Variants in EPHA3 observed in about 807,000 individuals in gnomAD.
EPHA3 encodes EPH receptor A3.
A neutral mutation model predicts 107.1 loss-of-function variants in EPHA3; 42 were observed. That is an observed-to-expected ratio of 0.39 (90% CI 0.31 to 0.51). The LOEUF (loss-of-function observed/expected upper bound fraction) is 0.51, where lower values mean the gene tolerates loss of function less well. Among genes scored for constraint, EPHA3 ranks in the 20% least tolerant of loss-of-function variants. EPHA3 has a pLI of 0.78. For synonymous variants in EPHA3, 461 were observed against 424.8 expected (o/e 1.09, Z -1.05); for missense variants, 1,183 against 1,211.2 (o/e 0.98, Z 0.35).
At chr3:89,119,902 A>G (rs900939880) in intron 1 of EPHA3, among the ~76,000 whole-genome samples, 21 of 152,250 alleles carry the variant, frequency 1.4e-4, no homozygotes, top group African/African-American at 3.4e-4. Context: ...TCTAGGAACT[A>G]TGTTTATTTC....
intron 3 of EPHA3, among the ~76,000 whole-genome samples, chr3:89,289,955 A>T (rs1179050151): frequency 6.6e-6 from 1 of 152,142 alleles, no homozygotes; most frequent in Non-Finnish European, 1.5e-5. Context: ...ACATCAAAGA[A>T]AGCACAGCCT....
At chr3:89,203,378 A>G (rs577945101) in intron 2 of EPHA3, among the ~76,000 whole-genome samples, 1 of 151,976 alleles carries the variant, frequency 6.6e-6, no homozygotes, top group South Asian at 2.1e-4. Flanking sequence ...AAGGAATTAA[A>G]CAGACTTAAA....
intron 5 of EPHA3, among the ~76,000 whole-genome samples, chr3:89,366,388 T>G (rs1708184699): frequency 6.6e-6 from 1 of 150,568 alleles, no homozygotes; most frequent in South Asian, 2.1e-4. Context: ...ATACCATTGA[T>G]CAAGATCAAA....
At chr3:89,172,955 T>A (rs1052963302) in intron 2 of EPHA3, among the ~76,000 whole-genome samples, 2 of 152,174 alleles carry the variant, frequency 1.3e-5, no homozygotes, top group African/African-American at 4.8e-5. Flanking sequence ...TTTTGAGTAA[T>A]TTTCACAAGT....
intron 2 of EPHA3, among the ~76,000 whole-genome samples, chr3:89,179,148 A>G (rs573159436): frequency 6.6e-6 from 1 of 152,070 alleles, no homozygotes; most frequent in Non-Finnish European, 1.5e-5. Context: ...GAATTGTTTC[A>G]TGTGCATTTT....
At chr3:89,435,227 G>A (rs535012681) in intron 13 of EPHA3, among the ~76,000 whole-genome samples, 1 of 151,804 alleles carries the variant, frequency 6.6e-6, no homozygotes, top group Admixed American at 6.6e-5. Context: ...TATATTTAAA[G>A]CTAAATTATA....
intron 2 of EPHA3, 42 bp from the exon 3 acceptor site, chr3:89,209,815 TATC>T: frequency 1.3e-6 from 2 of 1,487,134 alleles, no homozygotes; most frequent in South Asian, 1.3e-5. Context: ...TATTCGTTAT[TATC>T]ATTAATTCTG....
intron 3 of EPHA3, among the ~76,000 whole-genome samples, chr3:89,311,882 T>C (rs1447990402): frequency 6.6e-6 from 1 of 152,064 alleles, no homozygotes; most frequent in African/African-American, 2.4e-5. Context: ...AATAATATCC[T>C]GGGATTTGTT....
intron 3 of EPHA3, among the ~76,000 whole-genome samples, chr3:89,228,962 A>G (rs1481943242): frequency 3.3e-5 from 5 of 151,976 alleles, no homozygotes; most frequent in Non-Finnish European, 7.4e-5. Flanking sequence ...TGAAGTTAAC[A>G]TGTGTGAGAA....
chr3:89,326,115 G>T (rs1321446634), intron 3 of EPHA3, among the ~76,000 whole-genome samples: 1 of 151,262 alleles, frequency 6.6e-6, no homozygotes, highest in Non-Finnish European at 1.5e-5. Context: ...ATTATTATAT[G>T]TTATGTACAT....
At chr3:89,251,495 T>A (rs968162415) in intron 3 of EPHA3, among the ~76,000 whole-genome samples, 4 of 152,082 alleles carry the variant, frequency 2.6e-5, no homozygotes, top group Non-Finnish European at 4.4e-5. Flanking sequence ...GTGTTAGATA[T>A]GTTTTGCATA....
At chr3:89,254,921 A>C (rs2107269309) in intron 3 of EPHA3, among the ~76,000 whole-genome samples, 1 of 152,310 alleles carries the variant, frequency 6.6e-6, no homozygotes, top group Non-Finnish European at 1.5e-5. Context: ...CAGTTGAACT[A>C]AATTGCTCTG....
chr3:89,414,057 C>T (rs980043664), intron 10 of EPHA3, among the ~76,000 whole-genome samples: 1 of 151,522 alleles, frequency 6.6e-6, no homozygotes, highest in African/African-American at 2.4e-5. Context: ...ATGTCACTCC[C>T]CAAAGCAAAC....
chr3:89,370,146 T>C lies in EPHA3; in HGVS notation c.1307-25691T>C, dbSNP rs375806237. Among the ~76,000 whole-genome samples the C allele has an allele frequency of 4.7e-5, 7 of 150,534 alleles. 1 individual carries two copies. The highest frequency in any genetic ancestry group is 2.1e-4 in the South Asian group (1 of 4,782). On this transcript the variant is annotated intron_variant, in intron 5 of 16. Coordinates refer to ENST00000336596, the MANE Select transcript of EPHA3 (RefSeq NM_005233.6). ...TAGAAATACCATTTGACCCAGCCAT[T>C]CCATTACTGGGTATATACCCAAAGG...
At chr3:89,205,931 C>CA (rs1706091619) in intron 2 of EPHA3, among the ~76,000 whole-genome samples, 2 of 151,848 alleles carry the variant, frequency 1.3e-5, no homozygotes, top group African/African-American at 4.8e-5. Context: ...GAAACATGGG[C>CA]ATTCTTTACA....
intron 2 of EPHA3, among the ~76,000 whole-genome samples, chr3:89,204,339 C>T (rs1280030303): frequency 1.2e-4 from 19 of 152,094 alleles, no homozygotes; most frequent in Non-Finnish European, 1.5e-5. Context: ...TCCACATCTT[C>T]CCACATATGC....
intron 3 of EPHA3, among the ~76,000 whole-genome samples, chr3:89,286,818 A>G (rs1706093742): frequency 1.3e-5 from 2 of 152,316 alleles, no homozygotes; most frequent in South Asian, 2.1e-4. Context: ...ATTCACTTCA[A>G]CATCAAGAGG....
intron 5 of EPHA3, among the ~76,000 whole-genome samples, chr3:89,390,101 C>G (rs1338905955): frequency 6.6e-6 from 1 of 152,102 alleles, no homozygotes; most frequent in Non-Finnish European, 1.5e-5. Flanking sequence ...AAGTGATTCT[C>G]CTGCCTCAGC....
chr3:89,220,191 T>G (rs1408178950), intron 3 of EPHA3, among the ~76,000 whole-genome samples: 1 of 152,182 alleles, frequency 6.6e-6, no homozygotes, highest in African/African-American at 2.4e-5. Context: ...AGTTTAATCA[T>G]TGTCCTTTAC....
Sources: allele counts gnomAD v4.1 joint callset (sites outside exome capture counted in the v4.1 genomes callset), GRCh38; gene constraint gnomAD v4.1.1; transcripts MANE v1.5; gene names NCBI Gene and HGNC (gene_info 2026-07-23, HGNC 2026-07-21).